The following ATP7B variants were observed in gnomAD, a reference collection of about 807,000 sequenced individuals.
ATP7B encodes the protein ATPase copper transporting beta, also known as copper-transporting ATPase 2.
A neutral mutation model predicts 118.9 loss-of-function variants in ATP7B; 113 were observed. The ratio of observed to expected loss-of-function variants is 0.95; its 90% CI spans 0.82 to 1.11. The LOEUF (loss-of-function observed/expected upper bound fraction) is 1.11. ATP7B is among the 50% of genes most tolerant of loss of function. The probability of loss-of-function intolerance (pLI) is 0.00; values close to 1 mark genes in which losing one functional copy is unlikely to be tolerated. For synonymous variants in ATP7B, 777 were observed against 727.4 expected, an observed-to-expected ratio of 1.07 and a Z score of -1.10; for missense variants, 1,867 against 1,871.4, an observed-to-expected ratio of 1.00 and a Z score of 0.04.
At chr13:51,946,749 C>T (rs1957691458) in intron 12 of ATP7B, among the ~76,000 whole-genome samples, 1 of 152,188 alleles carries the variant, frequency 6.6e-6, no homozygotes, top group Non-Finnish European at 1.5e-5. Context: ...GGAAAGCAGA[C>T]TCTGGAGATG....
In ATP7B at chr13:51,939,149, C is replaced by A; in HGVS notation, c.3601G>T (p.Glu1201Ter). 6.2e-7 allele frequency: 1 copy of A among 1,614,230 alleles called. No homozygotes were observed. Among genetic ancestry groups the A allele is most frequent in the African/African-American group, 1.3e-5 (1 of 75,076 alleles). Residue 1201 changes from glutamate to a stop codon, truncating the protein, a stop_gained, in exon 17 of 21, where the codon GAG (glutamate) becomes TAG (stop). Coordinates refer to ENST00000242839, the MANE Select transcript of ATP7B (RefSeq NM_000053.4). LOFTEE classifies it high-confidence loss of function. ...AGCGTGTGCACAGCCAGGGCAGCCT[C>A]CTGCTTGACAGCGTCTGCGATTGCG... is the stretch of plus-strand genomic sequence containing the variant. ...MIAIADAVKQ[E>*]AALAVHTLQS...
chr13:51,962,011 G>T, intron 5 of ATP7B, 98 bp from the exon 6 acceptor site: 1 of 1,063,386 alleles, frequency 9.4e-7, no homozygotes, highest in Non-Finnish European at 1.4e-6. Context: ...AAATTAGAAA[G>T]TGAATCTAAA....
chr13:51,991,505 A>C (rs1341865579), intron 1 of ATP7B, among the ~76,000 whole-genome samples: 3 of 152,082 alleles, frequency 2.0e-5, no homozygotes, highest in African/African-American at 7.2e-5. Context: ...GGAAAAAAAC[A>C]AACAAAAAAA....
chr13:51,960,419 T>G (rs1958657020), intron 6 of ATP7B, 97 bp from the exon 7 acceptor site: 1 of 1,447,810 alleles, frequency 6.9e-7, no homozygotes, highest in Admixed American at 1.9e-5. Context: ...AAGACCTGCC[T>G]TTGTCACATG....
At chr13:51,946,598 G>T in intron 12 of ATP7B, 120 bp from the exon 13 acceptor site, 1 of 1,108,918 alleles carries the variant, frequency 9.0e-7, no homozygotes, top group Admixed American at 2.0e-5. Context: ...TTGGGTTCCG[G>T]AAACAGATGG....
chr13:51,998,043 T>G (rs924546910), intron 1 of ATP7B, among the ~76,000 whole-genome samples: 1 of 152,200 alleles, frequency 6.6e-6, no homozygotes, highest in Non-Finnish European at 1.5e-5. Context: ...TCCTCACACC[T>G]GACCCTGGCT....
rs1159777419 is a variant in ATP7B at position 51,978,230 on chromosome 13, A to G, written c.52-3062T>C. 1.3e-5 allele frequency among the ~76,000 whole-genome samples: 2 copies of G among 152,216 alleles called. 1 individual carries two copies. Among genetic ancestry groups the G allele is most frequent in the African/African-American group, 4.8e-5 (2 of 41,472 alleles). On this transcript the variant is annotated intron_variant, in intron 1 of 20. Coordinates refer to ENST00000242839, the MANE Select transcript of ATP7B (RefSeq NM_000053.4). Reference sequence around the variant, plus strand: ...GGGGGAAAAAAGATTTGCTTCACATAGCATACATTAAGAGTTAATTTCTTT... The same window carrying G: ...GGGGGAAAAAAGATTTGCTTCACATGGCATACATTAAGAGTTAATTTCTTT...
In ATP7B at chr13:51,974,708, ACTC is replaced by A; in HGVS notation, c.509_511del (p.Gly170del). 1.9e-6 allele frequency: 3 copies of A among 1,613,306 alleles called. No individual in the cohort carries two copies. Among genetic ancestry groups the A allele is most frequent in the Non-Finnish European group, 2.5e-6 (3 of 1,179,448 alleles). On this transcript the variant is annotated inframe_deletion, in exon 2 of 21. Transcript: ENST00000242839. The stretch of plus-strand genomic sequence containing the variant: ...GCTGAGTGAGACTTTGACTCTCACT[ACTC>A]CTTGCAGTTTCCGGACCTTGCCTTC...
Position 51,970,647 on chromosome 13 carries a change from G to T in ATP7B, c.1388C>A (p.Thr463Asn). 1.2e-6 allele frequency: 2 copies of T among 1,614,212 alleles called. No homozygotes were observed. Among genetic ancestry groups the T allele is most frequent in the Non-Finnish European group, 1.7e-6 (2 of 1,180,028 alleles). The change falls in exon 3 of 21, where the codon ACT (threonine) becomes AAT (asparagine). Residue 463 changes from threonine to asparagine, a missense_variant. By Grantham distance (65) the Thr-to-Asn change is moderately conservative. Coordinates refer to ENST00000242839, the MANE Select transcript of ATP7B (RefSeq NM_000053.4). ...GGCATGGTTTGCAGGGAGCCTCCCA[G>T]TGTGGGGAGCCACTTCCTGCACAGA... ...PTSVQEVAPH[T>N]GRLPANHAPD... is the part of the protein sequence containing the mutation.
chr13:51,970,737 G>A lies in ATP7B; in HGVS notation c.1298C>T (p.Thr433Ile), dbSNP rs763788226. 13 of 1,613,664 alleles carry A rather than the reference G, an allele frequency of 8.1e-6. No homozygotes were observed. The highest frequency in any genetic ancestry group is 1.1e-5 in the Non-Finnish European group (13 of 1,179,694). Residue 433 changes from threonine (T) to isoleucine (I), a missense_variant, in exon 3 of 21, where the codon ACT (threonine) becomes ATT (isoleucine). Coordinates refer to ENST00000242839, the MANE Select transcript of ATP7B (RefSeq NM_000053.4). ...EASVVSESCSTNPLGNHSAGN... is the reference protein window; with the variant it reads ...EASVVSESCSINPLGNHSAGN... ...AGCACTGTGGTTTCCAAGAGGGTTA[G>A]TAGAACAGCTTTCTAGGATAAAATG...
chr13:51,935,590 C>T lies in ATP7B; in HGVS notation c.4124+3G>A. ...CACAGATGCTCCACCTGAGGGGACT[C>T]ACCACTTGAGCTGCAGGGATGAGAG... On this transcript the variant is annotated splice_donor_region_variant and intron_variant, in intron 20 of 20. Coordinates refer to ENST00000242839, the MANE Select transcript of ATP7B (RefSeq NM_000053.4). 1 of 1,612,772 alleles carries T rather than the reference C, an allele frequency of 6.2e-7. No individual in the cohort carries two copies. The highest frequency in any genetic ancestry group is 1.1e-5 in the South Asian group (1 of 90,582).
At chr13:51,960,719 A>C (rs934858491) in intron 6 of ATP7B, among the ~76,000 whole-genome samples, 1 of 152,234 alleles carries the variant, frequency 6.6e-6, no homozygotes, top group Non-Finnish European at 1.5e-5. Flanking sequence ...AGAAAAAAAT[A>C]GATAAAAGCA....
chr13:52,011,471 C>A, upstream of ATP7B: 17 of 1,132,448 alleles, frequency 1.5e-5, no homozygotes, highest in Non-Finnish European at 2.2e-5. Flanking sequence ...CGGCTCGGCT[C>A]TAAAGCAAAC....
chr13:51,935,154 C>T, intron 20 of ATP7B, 125 bp from the exon 21 acceptor site: 2 of 1,364,196 alleles, frequency 1.5e-6, no homozygotes, highest in South Asian at 2.6e-5. Context: ...TCAAGAGTTT[C>T]CAAGGAAAAG....
intron 1 of ATP7B, among the ~76,000 whole-genome samples, chr13:51,994,833 G>A (rs991542645): frequency 6.6e-5 from 10 of 152,128 alleles, no homozygotes; most frequent in African/African-American, 2.4e-4. Flanking sequence ...CACACCACCA[G>A]TCTGCTCAGA....
chr13:51,957,718 C>T (rs1180391891), intron 8 of ATP7B, 111 bp from the exon 9 acceptor site: 30 of 1,006,378 alleles, frequency 3.0e-5, no homozygotes, highest in South Asian at 2.6e-4. Context: ...GAGAAACAGC[C>T]GCACGGCACG....
In ATP7B at chr13:51,937,232, C is replaced by T. The variant is rs552526535; in HGVS notation, c.4021+44G>A. 46 of 1,581,202 alleles carry T rather than the reference C, an allele frequency of 2.9e-5. No homozygotes were observed. In the African/African-American group the frequency reaches 5.8e-4, roughly 20 times the overall value. On this transcript the variant is annotated intron_variant, in intron 19 of 20. Coordinates refer to ENST00000242839, the MANE Select transcript of ATP7B (RefSeq NM_000053.4). Reference sequence around the variant, plus strand: ...CCAGCAGGAACCTGGGAGACAGAAGCCTTTCTGGGCGCAGCTGGAGCACAG... The same window carrying T: ...CCAGCAGGAACCTGGGAGACAGAAGTCTTTCTGGGCGCAGCTGGAGCACAG...
chr13:51,946,282 A>C lies in ATP7B; in HGVS notation c.3060+2T>G. The C allele has an allele frequency of 6.3e-7, 1 of 1,578,220 alleles. No homozygotes were observed. Among genetic ancestry groups the C allele is most frequent in the Non-Finnish European group, 8.6e-7 (1 of 1,161,866 alleles). On this transcript the variant is annotated splice_donor_variant, in intron 13 of 20. Coordinates refer to ENST00000242839, the MANE Select transcript of ATP7B (RefSeq NM_000053.4). LOFTEE classifies it high-confidence loss of function. ...ATGGGGAAAGCCGTGCTACAGGCTGACCTTGTGCGCCATCTCCAGGGGCTT... is the reference window on the plus strand; with the variant it reads ...ATGGGGAAAGCCGTGCTACAGGCTGCCCTTGTGCGCCATCTCCAGGGGCTT...
At chr13:51,970,167 G>A (rs1456526756) in intron 3 of ATP7B, among the ~76,000 whole-genome samples, 1 of 152,106 alleles carries the variant, frequency 6.6e-6, no homozygotes, top group African/African-American at 2.4e-5. Context: ...TTATAGTAAG[G>A]GGTTGATGGG....
Sources: allele counts gnomAD v4.1 joint callset (sites outside exome capture counted in the v4.1 genomes callset), GRCh38; gene constraint gnomAD v4.1.1; transcripts MANE v1.5; gene names NCBI Gene and HGNC (gene_info 2026-07-23, HGNC 2026-07-21).